The following PPFIBP2 variants were observed in gnomAD, a reference collection of about 807,000 sequenced individuals.
PPFIBP2 encodes liprin-beta-2.
In PPFIBP2, 118 loss-of-function variants were observed where a neutral mutation model predicts 118.3. The ratio of observed to expected loss-of-function variants is 1.00; its 90% CI spans 0.86 to 1.16. The LOEUF is 1.16. PPFIBP2 is among the 50% of genes most tolerant of loss of function. The pLI is 0.00. For missense variants in PPFIBP2, 1,195 were observed against 1,073.1 expected, an observed-to-expected ratio of 1.11 and a Z score of -1.59; for synonymous variants, 414 against 397.4, an observed-to-expected ratio of 1.04 and a Z score of -0.50.
chr11:7,526,050 T>G (rs552328352), intron 1 of PPFIBP2, among the ~76,000 whole-genome samples: 2 of 152,276 alleles, frequency 1.3e-5, no homozygotes, highest in South Asian at 4.1e-4. Flanking sequence ...TGTAAGAAAT[T>G]TTAAAGAACT....
chr11:7,577,707 TG>T lies in PPFIBP2; in HGVS notation c.279+11944del, dbSNP rs570586793. 1.8e-3 allele frequency: 794 copies of T among 437,380 alleles called. 7 individuals are homozygous for T. The highest frequency in any genetic ancestry group is 0.016 in the African/African-American group (743 of 45,694). 27.1% of individuals were successfully genotyped at this position (437,380 alleles called of 1,614,324 possible). A position where few individuals can be genotyped will look rare whatever the true frequency, so the allele number is the denominator to read the frequency against. On this transcript the variant is annotated intron_variant, in intron 3 of 23. Transcript: ENST00000299492. ...GAGGGGGAGACGCTTTGGGGTGTTT[TG>T]GGGTGTGTGTGCCTGTGTGTGGTAG...
chr11:7,647,943 G>A (rs916333840), intron 17 of PPFIBP2, among the ~76,000 whole-genome samples: 1 of 152,084 alleles, frequency 6.6e-6, no homozygotes, highest in Non-Finnish European at 1.5e-5. Flanking sequence ...TTTTAGTTTT[G>A]GGTGTTTTGT....
chr11:7,652,217 T>C (rs1382270984), intron 23 of PPFIBP2, among the ~76,000 whole-genome samples: 1 of 152,226 alleles, frequency 6.6e-6, no homozygotes, highest in African/African-American at 2.4e-5. Flanking sequence ...CGTGGGATCT[T>C]GGTCAAAGCT....
At chr11:7,593,436 G>T (rs565983168) in intron 4 of PPFIBP2, among the ~76,000 whole-genome samples, 1 of 152,286 alleles carries the variant, frequency 6.6e-6, no homozygotes, top group African/African-American at 2.4e-5. Context: ...TGTGAATTCA[G>T]TCATTCATTT....
At chr11:7,563,390 C>A (rs368572954) in intron 2 of PPFIBP2, among the ~76,000 whole-genome samples, 16 of 152,272 alleles carry the variant, frequency 1.1e-4, no homozygotes, top group Middle Eastern at 3.4e-3. Context: ...GTGCTGAGCA[C>A]ACATCACAGT....
chr11:7,612,628 A>G (rs35347612), intron 6 of PPFIBP2, among the ~76,000 whole-genome samples: 25,732 of 152,136 alleles, frequency 0.17, 3,357 homozygotes, highest in African/African-American at 0.36. Flanking sequence ...GTTTTTCATC[A>G]GTCTGTTCAT....
intron 1 of PPFIBP2, among the ~76,000 whole-genome samples, chr11:7,527,257 G>A (rs538445568): frequency 3.9e-5 from 6 of 152,186 alleles, no homozygotes; most frequent in African/African-American, 1.2e-4. Context: ...GTGTATGGGA[G>A]GAGAGAGTTG....
At chr11:7,568,742 T>C (rs1855293069) in intron 3 of PPFIBP2, 4 of 152,240 alleles carry the variant, frequency 2.6e-5, no homozygotes, top group Admixed American at 2.6e-4. Context: ...ATTCTTTCCA[T>C]GTTTTCTCAA....
chr11:7,547,658 G>A (rs1042931728), intron 1 of PPFIBP2, among the ~76,000 whole-genome samples: 2 of 151,568 alleles, frequency 1.3e-5, no homozygotes, highest in Admixed American at 6.6e-5. Context: ...CTCTCACCTC[G>A]GAGCAGCTCT....
At chr11:7,532,997 C>T (rs1307694672) in intron 1 of PPFIBP2, among the ~76,000 whole-genome samples, 1 of 151,620 alleles carries the variant, frequency 6.6e-6, no homozygotes, top group Non-Finnish European at 1.5e-5. Flanking sequence ...GTTACGCACG[C>T]TCCAGCTAAT....
At chr11:7,534,927 T>G (rs778120819) in intron 1 of PPFIBP2, among the ~76,000 whole-genome samples, 1 of 152,220 alleles carries the variant, frequency 6.6e-6, no homozygotes, top group Non-Finnish European at 1.5e-5. Context: ...TGCTCTCAAA[T>G]AGAAGGCACC....
At chr11:7,532,555 C>A (rs1310851934) in intron 1 of PPFIBP2, among the ~76,000 whole-genome samples, 1 of 152,188 alleles carries the variant, frequency 6.6e-6, no homozygotes, top group Non-Finnish European at 1.5e-5. Context: ...CAGCTCCAGG[C>A]CGAGCTGTTT....
chr11:7,524,191 CA>C (rs1297428780), intron 1 of PPFIBP2, among the ~76,000 whole-genome samples: 14 of 151,686 alleles, frequency 9.2e-5, no homozygotes, highest in African/African-American at 3.4e-4. Flanking sequence ...GTAATAGGGA[CA>C]AGGGGGACAG....
chr11:7,662,875 C>T, the PPFIBP2 span, among the ~76,000 whole-genome samples: 505 of 146,440 alleles, frequency 3.4e-3, 20 homozygotes, highest in Admixed American at 0.029. Flanking sequence ...CTAAACTTCC[C>T]TTCTCGCTTC....
Position 7,628,485 on chromosome 11 carries a change from G to A in PPFIBP2, c.888+139G>A, listed in dbSNP as rs563925482. ...TAGGGATATGTCAGGAGAATGACTT[G>A]TGCCTTCTAGAGACTTGGCCTCAGC... On this transcript the variant is annotated intron_variant, in intron 9 of 23. Coordinates refer to ENST00000299492, the MANE Select transcript of PPFIBP2 (RefSeq NM_003621.5). 3.6e-4 allele frequency: 294 copies of A among 828,136 alleles called. 5 individuals are homozygous for A. In the South Asian group the frequency reaches 5.8e-3, roughly 16 times the overall value. 51.3% of individuals were successfully genotyped at this position (828,136 alleles called of 1,614,324 possible). A position where few individuals can be genotyped will look rare whatever the true frequency, so the allele number is the denominator to read the frequency against.
intron 2 of PPFIBP2, 70 bp downstream of exon 2, chr11:7,549,609 C>CTTG (rs1554948689): frequency 4.4e-6 from 5 of 1,143,798 alleles, no homozygotes; most frequent in Non-Finnish European, 5.8e-6. Flanking sequence ...TCTCCTTTTA[C>CTTG]TTTTTTTTTT....
chr11:7,577,686 G>C, intron 3 of PPFIBP2: 1 of 454,970 alleles, frequency 2.2e-6, no homozygotes, highest in South Asian at 1.6e-5. Context: ...ATAAGTGAGG[G>C]GGAGACGCTT....
downstream of PPFIBP2, among the ~76,000 whole-genome samples, chr11:7,655,075 G>A (rs1451140896): frequency 6.6e-6 from 1 of 152,128 alleles, no homozygotes; most frequent in Non-Finnish European, 1.5e-5. Flanking sequence ...GCATCCTGAA[G>A]GCCTTCATTC....
chr11:7,585,540 C>G (rs71474915), intron 3 of PPFIBP2, among the ~76,000 whole-genome samples: 1 of 152,322 alleles, frequency 6.6e-6, no homozygotes, highest in East Asian at 1.9e-4. Flanking sequence ...TCCAGCATCC[C>G]TGAGGTGTAC....
Sources: gnomAD v4.1 joint callset for allele counts (sites outside exome capture counted in the v4.1 genomes callset) on GRCh38, gnomAD v4.1.1 for gene constraint, MANE v1.5 for transcripts, NCBI Gene and HGNC (gene_info 2026-07-23, HGNC 2026-07-21) for gene names.